The following RNASEH2B variants were observed in gnomAD, a reference collection of about 807,000 sequenced individuals.
RNASEH2B encodes the protein Aicardi-Goutieres syndrome 2 protein.
In RNASEH2B, 36 loss-of-function variants were observed where a neutral mutation model predicts 45.0. The ratio of observed to expected loss-of-function variants is 0.80; its 90% CI spans 0.61 to 1.06. The LOEUF (loss-of-function observed/expected upper bound fraction) is 1.06, where lower values mean the gene tolerates loss of function less well. Among genes scored for constraint, RNASEH2B ranks in the 50% least tolerant of loss-of-function variants. The pLI, the probability that RNASEH2B is intolerant of heterozygous loss-of-function variation, is 0.00. For missense variants in RNASEH2B, 361 were observed against 360.3 expected (o/e 1.00, Z -0.02); for synonymous variants, 119 against 125.7 (o/e 0.95, Z 0.35).
intron 9 of RNASEH2B, chr13:50,952,870 T>G (rs1057085038): frequency 6.6e-6 from 1 of 152,216 alleles, no homozygotes; most frequent in Non-Finnish European, 1.5e-5. Context: ...GAGCCTCTGT[T>G]TTTTTACAGC....
rs372499426 is a variant in RNASEH2B, at chr13:50,943,433, A to T, written c.510+39A>T. On this transcript the variant is annotated intron_variant, in intron 6 of 10. Coordinates refer to ENST00000336617, the MANE Select transcript of RNASEH2B (RefSeq NM_024570.4). ...CTAGTGCCTTGTGGTAAAAGTAAAAATTCAGTTCTCTAAGAAATTTTCAGA... is the reference window on the plus strand; with the variant it reads ...CTAGTGCCTTGTGGTAAAAGTAAAATTTCAGTTCTCTAAGAAATTTTCAGA... 2,447 of 1,419,206 alleles carry T rather than the reference A, an allele frequency of 1.7e-3. 58 individuals are homozygous for T. In the South Asian group the frequency reaches 0.027, roughly 16 times the overall value. 87.9% of individuals were successfully genotyped at this position (1,419,206 alleles called of 1,614,324 possible).
At chr13:50,940,389 G>C (rs2137972317) in intron 5 of RNASEH2B, among the ~76,000 whole-genome samples, 1 of 152,286 alleles carries the variant, frequency 6.6e-6, no homozygotes, top group Middle Eastern at 3.4e-3. Context: ...CATGAACATT[G>C]CGTGAACACC....
chr13:50,923,538 G>C (rs114640310), intron 1 of RNASEH2B, among the ~76,000 whole-genome samples: 1,582 of 152,260 alleles, frequency 0.01, 23 homozygotes, highest in African/African-American at 0.029. Context: ...TTAAGGTGCT[G>C]AAATAAAGAG....
At chr13:50,928,109 A>G (rs1294342173) in intron 2 of RNASEH2B, among the ~76,000 whole-genome samples, 1 of 152,164 alleles carries the variant, frequency 6.6e-6, no homozygotes, top group Non-Finnish European at 1.5e-5. Flanking sequence ...TTTTTAGGCA[A>G]AAATATTAAA....
At chr13:50,953,059 G>C (rs1951997087) in intron 9 of RNASEH2B, 5 of 152,140 alleles carry the variant, frequency 3.3e-5, no homozygotes, top group African/African-American at 7.2e-5. Context: ...TGGTCAACCT[G>C]GTGTCTCCAT....
intron 7 of RNASEH2B, 145 bp from the exon 8 acceptor site, chr13:50,947,842 C>A: frequency 7.5e-7 from 1 of 1,326,510 alleles, no homozygotes; most frequent in South Asian, 1.3e-5. Context: ...CCCCATTTTA[C>A]AAATGAGAAA....
chr13:50,935,970 T>G (rs1951746813), intron 5 of RNASEH2B: 1 of 151,996 alleles, frequency 6.6e-6, no homozygotes. Context: ...AAGAAGAAAG[T>G]AGCCATTTAG....
chr13:50,942,283 G>GAAGTT (rs1433702339), intron 5 of RNASEH2B: 8 of 152,214 alleles, frequency 5.3e-5, no homozygotes, highest in Non-Finnish European at 1.2e-4. Context: ...GGATTGTGGG[G>GAAGTT]AAGTTAAGTG....
intron 6 of RNASEH2B, among the ~76,000 whole-genome samples, chr13:50,943,631 G>C (rs1951860514): frequency 6.6e-6 from 1 of 152,146 alleles, no homozygotes; most frequent in African/African-American, 2.4e-5. Context: ...GTTTCTCCCT[G>C]CTCCTACTAC....
intron 9 of RNASEH2B, chr13:50,953,570 G>T: frequency 2.9e-6 from 1 of 350,214 alleles, no homozygotes; most frequent in Non-Finnish European, 5.3e-6. Flanking sequence ...TGACTTCTGT[G>T]CCTTGCATTC....
chr13:50,927,137 G>A, intron 1 of RNASEH2B: 2 of 394,416 alleles, frequency 5.1e-6, no homozygotes, highest in South Asian at 4.4e-5. Context: ...CTATCCAAGT[G>A]GCTAAGCCAA....
In RNASEH2B at chr13:50,919,070, A is replaced by G. The variant is rs555297984; in HGVS notation, c.65-8337A>G. On this transcript the variant is annotated intron_variant, in intron 1 of 10. Transcript: ENST00000336617. ...TGTGTGCCAAAAATCAGAGAGGCTC[A>G]GGAACAAGTGTCCATTGCTTCCAAG... 4.7e-4 allele frequency among the ~76,000 whole-genome samples: 71 copies of G among 152,366 alleles called. 1 individual carries two copies. The highest frequency in any genetic ancestry group is 8.4e-4 in the Non-Finnish European group (57 of 68,036).
At position 50,934,668 on chromosome 13, in the gene RNASEH2B, T is replaced by C. The variant is rs114437568; in HGVS notation, c.322-217T>C. On this transcript the variant is annotated intron_variant, in intron 4 of 10. Coordinates refer to ENST00000336617, the MANE Select transcript of RNASEH2B (RefSeq NM_024570.4). ...TTGGGGACTGTACACCCAAGGTAGATGGTGTGCTGTGTGGGACTCCAGTGC... is the reference window on the plus strand; with the variant it reads ...TTGGGGACTGTACACCCAAGGTAGACGGTGTGCTGTGTGGGACTCCAGTGC... 2,481 of 576,208 alleles carry C rather than the reference T, an allele frequency of 4.3e-3. 44 individuals are homozygous for C. Among genetic ancestry groups the C allele is most frequent in the African/African-American group, 0.043 (2,287 of 53,438 alleles). The allele number at this position is 576,208 out of a possible 1,614,324, so 35.7% of individuals were successfully genotyped here.
At chr13:50,961,102 A>T (rs115582119), downstream of RNASEH2B, among the ~76,000 whole-genome samples, 432 of 152,318 alleles carry the variant, frequency 2.8e-3, 4 homozygotes, top group African/African-American at 9.8e-3. Flanking sequence ...CAGGAATCAC[A>T]GTCTATCCCA....
In RNASEH2B at chr13:50,945,423, A is replaced by C; in HGVS notation, c.511-4A>C. The C allele has an allele frequency of 1.2e-6, 2 of 1,605,418 alleles. No homozygotes were observed. The highest frequency in any genetic ancestry group is 1.1e-5 in the South Asian group (1 of 90,894). ...CTGCCTTTCCCCTCTTGGTTGCTTC[A>C]TAGGTTAATCAAACTGTGGCAGCAT... On this transcript the variant is annotated splice_polypyrimidine_tract_variant and splice_region_variant and intron_variant, in intron 6 of 10. Transcript: ENST00000336617.
In RNASEH2B at chr13:50,943,400, G is replaced by T. The variant is rs1951858134; in HGVS notation, c.510+6G>T. ...TAAAGTGGCTGGAAAAAAAGGTATA[G>T]TTCCTCTCTAGTGCCTTGTGGTAAA... is the stretch of plus-strand genomic sequence containing the variant. On this transcript the variant is annotated splice_donor_region_variant and intron_variant, in intron 6 of 10. Transcript: ENST00000336617. The T allele has an allele frequency of 6.9e-6, 11 of 1,585,568 alleles. No individual in the cohort carries two copies. The highest frequency in any genetic ancestry group is 1.7e-4 in the Middle Eastern group (1 of 6,010).
chr13:50,955,220 G>A (rs1045879472), intron 10 of RNASEH2B: 18 of 152,124 alleles, frequency 1.2e-4, no homozygotes, highest in African/African-American at 4.3e-4. Context: ...CTTTCACTTA[G>A]ATTTTAAAAA....
intron 5 of RNASEH2B, among the ~76,000 whole-genome samples, chr13:50,939,563 T>C (rs1459577081): frequency 2.6e-5 from 4 of 151,938 alleles, no homozygotes; most frequent in Non-Finnish European, 4.4e-5. Context: ...TTGGTGTTGG[T>C]ATAAGGATAA....
exon 10 of RNASEH2B, chr13:50,970,144 C>G: frequency 4.4e-6 from 3 of 676,318 alleles, no homozygotes; most frequent in Non-Finnish European, 7.9e-6. Flanking sequence ...ATGTGGGCAG[C>G]GGCATTCCTC....
Sources: allele counts gnomAD v4.1 joint callset (sites outside exome capture counted in the v4.1 genomes callset), GRCh38; gene constraint gnomAD v4.1.1; transcripts MANE v1.5; gene names NCBI Gene and HGNC (gene_info 2026-07-23, HGNC 2026-07-21).